The following RPS6KA2 variants were observed in gnomAD, a reference collection of about 807,000 sequenced individuals.
The protein encoded by RPS6KA2 is ribosomal protein S6 kinase alpha-2.
RPS6KA2 carries 42 observed loss-of-function variants against 91.8 expected under a neutral mutation model. That is an observed-to-expected ratio of 0.46 (90% CI 0.36 to 0.59). RPS6KA2 has a LOEUF of 0.59. Among genes scored for constraint, RPS6KA2 ranks in the 20% least tolerant of loss-of-function variants. The probability of loss-of-function intolerance (pLI) is 0.00; values close to 1 mark genes in which losing one functional copy is unlikely to be tolerated. For synonymous variants in RPS6KA2, 414 were observed against 393.6 expected (o/e 1.05, Z -0.61); for missense variants, 798 against 978.5 (o/e 0.82, Z 2.46).
rs1021308151 is a variant in RPS6KA2, at chr6:166,626,052, G to T, written c.99+869C>A. ...GGTGCCAGCCTTGAGGCAAAGGCGGGACAGTGTCAGGCGAAATCTTTGGGT... is the reference window on the plus strand; with the variant it reads ...GGTGCCAGCCTTGAGGCAAAGGCGGTACAGTGTCAGGCGAAATCTTTGGGT... On this transcript the variant is annotated intron_variant, in intron 1 of 20. Coordinates refer to ENST00000265678, the MANE Select transcript of RPS6KA2 (RefSeq NM_021135.6). This position sits in a 1 kb window ranked among gnomAD's most constrained non-coding sequence, Gnocchi z 4.1. 1.3e-5 allele frequency among the ~76,000 whole-genome samples: 2 copies of T among 152,240 alleles called. No individual in the cohort carries two copies. Among genetic ancestry groups the T allele is most frequent in the Non-Finnish European group, 2.9e-5 (2 of 68,040 alleles).
chr6:166,752,850 G>A (rs1328640315), intron 2 of RPS6KA2, among the ~76,000 whole-genome samples: 1 of 152,144 alleles, frequency 6.6e-6, no homozygotes, highest in Non-Finnish European at 1.5e-5. Flanking sequence ...GATACTCTTG[G>A]GGTAATGGTG....
intron 14 of RPS6KA2, among the ~76,000 whole-genome samples, chr6:166,446,999 A>C (rs1779700624): frequency 6.6e-6 from 1 of 152,212 alleles, no homozygotes; most frequent in South Asian, 2.1e-4. Context: ...GCTCTTCACC[A>C]CTGGAACATC....
In RPS6KA2 at chr6:166,490,612, G is replaced by T; in HGVS notation, c.818+59C>A. 8.8e-7 allele frequency: 1 copy of T among 1,130,106 alleles called. No homozygotes were observed. The highest frequency in any genetic ancestry group is 1.3e-6 in the Non-Finnish European group (1 of 756,674). The allele number at this position is 1,130,106 out of a possible 1,614,324, so 70.0% of individuals were successfully genotyped here. A position where few individuals can be genotyped will look rare whatever the true frequency, so the allele number is the denominator to read the frequency against. On this transcript the variant is annotated intron_variant, in intron 9 of 20. Transcript: ENST00000265678. The surrounding 1 kb of genome is among the most constrained non-coding windows in gnomAD (Gnocchi z 4.2). ...CTTCACAGTTCCAGGTTCAGAGGCA[G>T]CAGCTCTTGATATCAGAAGGTGCTC...
intron 2 of RPS6KA2, among the ~76,000 whole-genome samples, chr6:166,844,132 A>C (rs529459277): frequency 6.6e-6 from 1 of 152,290 alleles, no homozygotes; most frequent in Admixed American, 6.5e-5. Context: ...AATGTGCTGG[A>C]AAGTCTCAGC....
rs144148456 is a variant in RPS6KA2 at position 166,669,584 on chromosome 6, G to C, written c.124-130800C>G. ...CGGGGCCCAGCACCGTTGGCTGCAA[G>C]ACTGTCTAGTAGCCTGCACTTCCAA... On this transcript the variant is annotated intron_variant, in intron 2 of 21. Coordinates refer to the RPS6KA2 transcript ENST00000503859. 5.9e-4 allele frequency among the ~76,000 whole-genome samples: 90 copies of C among 152,334 alleles called. 1 individual carries two copies. In the East Asian group the frequency reaches 0.017, roughly 29 times the overall value.
In RPS6KA2 at chr6:166,456,522, TAG is replaced by T. The variant is rs1780112591; in HGVS notation, c.1075+2925_1075+2926del. Reference sequence around the variant, plus strand: ...GCATCTCGGGCTAAGCAGCATGCTCTAGGGGGCAGCCAAGGTGTGATCAGGGA... The same window carrying T: ...GCATCTCGGGCTAAGCAGCATGCTCTGGGGCAGCCAAGGTGTGATCAGGGA... On this transcript the variant is annotated intron_variant, in intron 12 of 20. Transcript: ENST00000265678. 2.0e-5 allele frequency among the ~76,000 whole-genome samples: 3 copies of T among 152,226 alleles called. No homozygotes were observed. The South Asian group carries it at 6.2e-4, about 32-fold the overall frequency.
rs1320872742 is a variant in RPS6KA2, at chr6:166,639,919, A to AG, written c.124-101136dup. 3.1e-4 allele frequency among the ~76,000 whole-genome samples: 47 copies of AG among 152,328 alleles called. No individual in the cohort carries two copies. The highest frequency in any genetic ancestry group is 1.1e-3 in the African/African-American group (46 of 41,566). On this transcript the variant is annotated intron_variant, in intron 2 of 21. Coordinates refer to the RPS6KA2 transcript ENST00000503859. The surrounding 1 kb of genome is among the most constrained non-coding windows in gnomAD (Gnocchi z 4.2). ...AATGTTAAACTACTTCAGAGAAGCA[A>AG]GTGTCCGTAGCGTTCCATGCGTGTG...
At chr6:166,567,126 C>G (rs1460766072) in intron 1 of RPS6KA2, among the ~76,000 whole-genome samples, 1 of 152,184 alleles carries the variant, frequency 6.6e-6, no homozygotes, top group African/African-American at 2.4e-5. Flanking sequence ...AACACAGAGG[C>G]CTTCGCTGCC....
chr6:166,670,223 G>A (rs1021243422), intron 2 of RPS6KA2, among the ~76,000 whole-genome samples: 3 of 152,356 alleles, frequency 2.0e-5, no homozygotes, highest in African/African-American at 7.2e-5. Flanking sequence ...TCACCGGTCC[G>A]TGCGGCCTTG....
chr6:166,859,366 T>C (rs1780991003), intron 1 of RPS6KA2, among the ~76,000 whole-genome samples: 2 of 152,258 alleles, frequency 1.3e-5, no homozygotes, highest in Non-Finnish European at 2.9e-5. Context: ...TTTCTTATCT[T>C]GCCCCCAAAG....
Position 166,508,178 on chromosome 6 carries a change from C to T in RPS6KA2, c.459+25G>A, listed in dbSNP as rs760856307. The T allele has an allele frequency of 6.5e-7, 1 of 1,536,852 alleles. No individual in the cohort carries two copies. The highest frequency in any genetic ancestry group is 9.0e-7 in the Non-Finnish European group (1 of 1,110,394). ...CCAGACAGAAGCTCCTGCCCGCCCTCCTGTGTGATGTGGCGGCTGCTCACC... is the reference window on the plus strand; with the variant it reads ...CCAGACAGAAGCTCCTGCCCGCCCTTCTGTGTGATGTGGCGGCTGCTCACC... On this transcript the variant is annotated intron_variant, in intron 5 of 20. Coordinates refer to ENST00000265678, the MANE Select transcript of RPS6KA2 (RefSeq NM_021135.6). The surrounding 1 kb of genome is among the most constrained non-coding windows in gnomAD (Gnocchi z 4.3).
intron 2 of RPS6KA2, among the ~76,000 whole-genome samples, chr6:166,687,728 T>C (rs1380058577): frequency 6.6e-6 from 1 of 152,246 alleles, no homozygotes; most frequent in Non-Finnish European, 1.5e-5. Context: ...CAAATTTAAG[T>C]TGGGCACGTT....
intron 2 of RPS6KA2, among the ~76,000 whole-genome samples, chr6:166,692,994 C>G (rs1399650270): frequency 1.3e-5 from 2 of 152,152 alleles, no homozygotes; most frequent in African/African-American, 4.8e-5. Context: ...CGGGATCATC[C>G]GAAACTCAGG....
chr6:166,583,460 T>C (rs1785078946), intron 1 of RPS6KA2, among the ~76,000 whole-genome samples: 1 of 152,248 alleles, frequency 6.6e-6, no homozygotes. Flanking sequence ...AAGAAGCAGC[T>C]GGTGGTGGAG....
Position 166,626,504 on chromosome 6 carries a change from AGC to A in RPS6KA2, c.99+415_99+416del, listed in dbSNP as rs143647207. ...CGGGCACGGCAGACAGCACCTGATC[AGC>A]GCCTCGGAGGGCGGAGCTGGGGGGC... On this transcript the variant is annotated intron_variant, in intron 1 of 20. Coordinates refer to ENST00000265678, the MANE Select transcript of RPS6KA2 (RefSeq NM_021135.6). This position sits in a 1 kb window ranked among gnomAD's most constrained non-coding sequence, Gnocchi z 4.1. Among the ~76,000 whole-genome samples the A allele has an allele frequency of 3.1e-4, 47 of 152,336 alleles. 3 individuals carry two copies. The East Asian group carries it at 9.1e-3, about 29-fold the overall frequency.
At chr6:166,776,762 A>G (rs1362558375) in intron 2 of RPS6KA2, among the ~76,000 whole-genome samples, 1 of 152,234 alleles carries the variant, frequency 6.6e-6, no homozygotes, top group Non-Finnish European at 1.5e-5. Context: ...TAGTGGCTAC[A>G]TAACATGCCA....
rs1022068825 is a variant in RPS6KA2, at chr6:166,722,988, C to T, written c.123+135212G>A. Among the ~76,000 whole-genome samples, 3 of 152,322 alleles carry T rather than the reference C, an allele frequency of 2.0e-5. No individual in the cohort carries two copies. The East Asian group carries it at 5.8e-4, about 29-fold the overall frequency. ...TGCCTACACTTGGCGACTATGACAA[C>T]CGTTAAGCGATGCAAGGTTTGGGGC... is the stretch of plus-strand genomic sequence containing the variant. On this transcript the variant is annotated intron_variant, in intron 2 of 21. Coordinates refer to the RPS6KA2 transcript ENST00000503859.
intron 1 of RPS6KA2, among the ~76,000 whole-genome samples, chr6:166,592,476 TATAACTA>T (rs1785386125): frequency 6.6e-6 from 1 of 152,204 alleles, no homozygotes; most frequent in African/African-American, 2.4e-5. Flanking sequence ...TAGTTATTCT[TATAACTA>T]ATAAGTGAGG....
chr6:166,493,924 G>A lies in RPS6KA2; in HGVS notation c.748-3183C>T, dbSNP rs59912183. The stretch of plus-strand genomic sequence containing the variant: ...GACAGCTAAGGAACCTGGAAAGAGT[G>A]GCGGCCCCGGCACAGGCAGGATGCG... On this transcript the variant is annotated intron_variant, in intron 8 of 20. Transcript: ENST00000265678. This position sits in a 1 kb window ranked among gnomAD's most constrained non-coding sequence, Gnocchi z 4.7. 0.017 allele frequency among the ~76,000 whole-genome samples: 2,636 copies of A among 152,316 alleles called. 83 individuals are homozygous for A. The highest frequency in any genetic ancestry group is 0.06 in the African/African-American group (2,502 of 41,562).
Sources: allele counts gnomAD v4.1 joint callset (sites outside exome capture counted in the v4.1 genomes callset), GRCh38; gene constraint gnomAD v4.1.1; non-coding constraint Gnocchi (gnomAD v3.1); transcripts MANE v1.5; gene names NCBI Gene and HGNC (gene_info 2026-07-23, HGNC 2026-07-21).